Variants in GTF2A2 observed in about 807,000 individuals in gnomAD.
The protein encoded by GTF2A2 is transcription initiation factor IIA subunit 2.
GTF2A2 carries 9 observed loss-of-function variants against 14.3 expected under a neutral mutation model. The observed-to-expected ratio is 0.63, with a 90% confidence interval of 0.38 to 1.10. GTF2A2 has a LOEUF of 1.10. Ranked by LOEUF, GTF2A2 falls within the 50% of genes least tolerant of loss-of-function variation. GTF2A2 has a pLI of 0.01. For synonymous variants in GTF2A2, 56 were observed against 46.0 expected, an observed-to-expected ratio of 1.22 and a Z score of -0.88; for missense variants, 90 against 124.6, an observed-to-expected ratio of 0.72 and a Z score of 1.32.
At chr15:59,656,863 T>C (rs1412956074) in intron 1 of GTF2A2, 1 of 152,246 alleles carries the variant, frequency 6.6e-6, no homozygotes, top group Non-Finnish European at 1.5e-5. Flanking sequence ...AGATGTGGTA[T>C]CAGCCACAGA....
chr15:59,640,653 T>A (rs148804812), intron 4 of GTF2A2, among the ~76,000 whole-genome samples: 5 of 152,368 alleles, frequency 3.3e-5, no homozygotes, highest in African/African-American at 1.2e-4. Context: ...GTGTATGTCA[T>A]TAATTCATTT....
intron 3 of GTF2A2, 59 bp from the exon 4 acceptor site, chr15:59,642,321 CA>C: frequency 6.8e-7 from 1 of 1,473,300 alleles, no homozygotes; most frequent in Non-Finnish European, 9.2e-7. Flanking sequence ...CATTTTTCTC[CA>C]AAGCAATTTA....
At chr15:59,640,527 A>ATTGAG (rs375090133) in intron 4 of GTF2A2, among the ~76,000 whole-genome samples, 4 of 152,204 alleles carry the variant, frequency 2.6e-5, no homozygotes, top group Admixed American at 6.5e-5. Context: ...AAATTAAAAC[A>ATTGAG]TTGAGTTAAG....
At chr15:59,642,975 C>G (rs1891480891) in intron 3 of GTF2A2, among the ~76,000 whole-genome samples, 1 of 151,876 alleles carries the variant, frequency 6.6e-6, no homozygotes, top group African/African-American at 2.4e-5. Flanking sequence ...CCATGTTGGC[C>G]AGGATGGTCT....
In GTF2A2 at chr15:59,638,305, T is replaced by C. The variant is rs1257811859; in HGVS notation, c.*827A>G. ...TAACAGCAAAAATCTTTTACTCCAA[T>C]TGGGTCAATCCAGTTAACCATGTAA... On this transcript the variant is annotated 3_prime_UTR_variant, in exon 5 of 5. Coordinates refer to ENST00000396060, the MANE Select transcript of GTF2A2 (RefSeq NM_004492.3). 6.6e-6 allele frequency: 1 copy of C among 152,104 alleles called. No individual in the cohort carries two copies. The highest frequency in any genetic ancestry group is 1.5e-5 in the Non-Finnish European group (1 of 68,038). 9.4% of individuals were successfully genotyped at this position (152,104 alleles called of 1,614,324 possible).
chr15:59,639,464 A>ATTTTTTTTTTTTTTTTACTGTCCCAAAT (rs10643204), intron 4 of GTF2A2, among the ~76,000 whole-genome samples: 2 of 142,580 alleles, frequency 1.4e-5, no homozygotes, highest in Admixed American at 1.4e-4. Context: ...ACTGTCCCAA[A>ATTTTTTTTTTTTTTTTACTGTCCCAAAT]TTTTTTTTTT....
rs1891449747 is a variant in GTF2A2 at position 59,642,125 on chromosome 15, C to A, written c.304+11G>T. 1.3e-6 allele frequency: 2 copies of A among 1,598,086 alleles called. No individual in the cohort carries two copies. Among genetic ancestry groups the A allele is most frequent in the South Asian group, 1.1e-5 (1 of 87,812 alleles). ...TCAAGTAGCTTTCACAGAAATAAGG[C>A]AAGCACTTACTTTTACCATCACAGG... On this transcript the variant is annotated intron_variant, in intron 4 of 4. Coordinates refer to ENST00000396060, the MANE Select transcript of GTF2A2 (RefSeq NM_004492.3).
chr15:59,650,882 T>C (rs1305731410), intron 2 of GTF2A2, 109 bp from the exon 3 acceptor site: 3 of 628,238 alleles, frequency 4.8e-6, no homozygotes, highest in Non-Finnish European at 8.3e-6. Flanking sequence ...AACCAAAGCC[T>C]CTAAACTAGA....
intron 3 of GTF2A2, among the ~76,000 whole-genome samples, chr15:59,649,356 A>T (rs11634067): frequency 0.65 from 98,314 of 152,100 alleles, 32,094 homozygotes; most frequent in African/African-American, 0.72. Context: ...AGATAAATGT[A>T]AATGTCAAAT....
intron 1 of GTF2A2, chr15:59,656,692 A>C (rs1231687722): frequency 2.0e-5 from 3 of 152,256 alleles, no homozygotes; most frequent in African/African-American, 7.2e-5. Flanking sequence ...TAGGTAGATA[A>C]AAACTCCACA....
chr15:59,642,491 G>C (rs546788797), intron 3 of GTF2A2, among the ~76,000 whole-genome samples: 3 of 152,220 alleles, frequency 2.0e-5, no homozygotes, highest in Admixed American at 2.0e-4. Context: ...AGTCTGCATT[G>C]CAAATTACTT....
chr15:59,654,511 C>T (rs143783259), intron 1 of GTF2A2, among the ~76,000 whole-genome samples: 70 of 152,208 alleles, frequency 4.6e-4, no homozygotes, highest in African/African-American at 1.7e-3. Context: ...TCATTCATAC[C>T]AATAACTGAA....
chr15:59,649,054 A>T (rs1891709737), intron 3 of GTF2A2, among the ~76,000 whole-genome samples: 1 of 152,220 alleles, frequency 6.6e-6, no homozygotes, highest in Non-Finnish European at 1.5e-5. Context: ...ATACATAAAA[A>T]ATATATACCT....
intron 1 of GTF2A2, 157 bp downstream of exon 1, chr15:59,657,249 C>G (rs1338202043): frequency 1.3e-5 from 2 of 152,356 alleles, no homozygotes; most frequent in African/African-American, 4.8e-5. Flanking sequence ...TTCTCCGGTG[C>G]CGGCCGCGGG....
chr15:59,646,185 T>C (rs764105789), intron 3 of GTF2A2, among the ~76,000 whole-genome samples: 1 of 152,070 alleles, frequency 6.6e-6, no homozygotes, highest in Non-Finnish European at 1.5e-5. Context: ...GCTTCCCAAA[T>C]AGCTGGGACT....
intron 3 of GTF2A2, among the ~76,000 whole-genome samples, chr15:59,648,469 T>C (rs1213076772): frequency 1.9e-5 from 1 of 51,980 alleles, no homozygotes; most frequent in African/African-American, 6.0e-5. Flanking sequence ...ACTACTTCAA[T>C]CTGAATTTTC....
chr15:59,640,687 A>G (rs1891387033), intron 4 of GTF2A2, among the ~76,000 whole-genome samples: 1 of 152,212 alleles, frequency 6.6e-6, no homozygotes, highest in African/African-American at 2.4e-5. Context: ...GGTATTATAA[A>G]TTAATCCCTG....
At chr15:59,647,642 G>A (rs1478054456) in intron 3 of GTF2A2, among the ~76,000 whole-genome samples, 6 of 151,900 alleles carry the variant, frequency 3.9e-5, no homozygotes, top group Admixed American at 3.9e-4. Context: ...GCAGTGGCGC[G>A]ATCTTGGCTC....
intron 4 of GTF2A2, among the ~76,000 whole-genome samples, 199 bp downstream of exon 4, chr15:59,641,937 A>G (rs1354730148): frequency 1.3e-5 from 2 of 152,224 alleles, no homozygotes; most frequent in Non-Finnish European, 2.9e-5. Context: ...TAAGCAGTCT[A>G]TATGTTATTA....
Sources: allele counts gnomAD v4.1 joint callset (sites outside exome capture counted in the v4.1 genomes callset), GRCh38; gene constraint gnomAD v4.1.1; transcripts MANE v1.5; gene names NCBI Gene and HGNC (gene_info 2026-07-23, HGNC 2026-07-21).